CACNB2: variants seen among roughly 807,000 people sequenced by gnomAD.
CACNB2 encodes the protein voltage-dependent L-type calcium channel subunit beta-2.
Under a neutral mutation model 73.3 loss-of-function variants are expected in CACNB2, and 42 were observed. The ratio of observed to expected loss-of-function variants is 0.57; its 90% CI spans 0.45 to 0.74. CACNB2 has a LOEUF of 0.74. Ranked by LOEUF, CACNB2 falls within the 30% of genes least tolerant of loss-of-function variation. The probability of loss-of-function intolerance (pLI) is 0.00; values close to 1 mark genes in which losing one functional copy is unlikely to be tolerated. For missense variants in CACNB2, 940 were observed against 853.0 expected, an observed-to-expected ratio of 1.10 and a Z score of -1.27; for synonymous variants, 348 against 310.3, an observed-to-expected ratio of 1.12 and a Z score of -1.28.
rs905157777 is a variant in CACNB2, at chr10:18,385,368, C to T, written c.214-16556C>T. 6.2e-5 allele frequency among the ~76,000 whole-genome samples: 6 copies of T among 96,124 alleles called. No homozygotes were observed. The East Asian group carries it at 6.2e-3, about 99-fold the overall frequency. The allele number at this position is 96,124 out of a possible 152,430, so 63.1% of individuals were successfully genotyped here. On this transcript the variant is annotated intron_variant, in intron 2 of 13. Coordinates refer to ENST00000324631, the MANE Select transcript of CACNB2 (RefSeq NM_201596.3). ...TATGCCATAGAGATTTGTAATACCC[C>T]CCCCCCTCGCCCCCCACAGGTTTTA...
In CACNB2 at chr10:18,518,192, T is replaced by G. The variant is rs574601213; in HGVS notation, c.805-144T>G. 63 of 717,818 alleles carry G rather than the reference T, an allele frequency of 8.8e-5. 1 individual carries two copies. In the South Asian group the frequency reaches 8.9e-4, roughly 10 times the overall value. The allele number at this position is 717,818 out of a possible 1,614,324, so 44.5% of individuals were successfully genotyped here. A position where few individuals can be genotyped will look rare whatever the true frequency, so the allele number is the denominator to read the frequency against. ...ACCCACCAATCTTTGACTGGGTTTA[T>G]GTAGAAAAGAGGCAAGTGGGGAAAA... On this transcript the variant is annotated intron_variant, in intron 7 of 13. Transcript: ENST00000324631.
chr10:18,488,683 C>A (rs570005902), intron 3 of CACNB2, among the ~76,000 whole-genome samples: 2 of 151,952 alleles, frequency 1.3e-5, no homozygotes, highest in Non-Finnish European at 2.9e-5. Context: ...TTTCTTTATA[C>A]CAACCAATTT....
chr10:18,506,634 T>G, intron 6 of CACNB2, 87 bp downstream of exon 6: 5 of 819,534 alleles, frequency 6.1e-6, no homozygotes, highest in Non-Finnish European at 1.1e-5. Context: ...ACGTATACAC[T>G]GAATCACTAT....
In CACNB2 at chr10:18,475,911, G is replaced by A. The variant is rs113117863; in HGVS notation, c.334-22444G>A. ...GATCCCAATACAGACCCTGAGAGTG[G>A]GTTCTTGGACCTTGTGCAAGGAAGA... On this transcript the variant is annotated intron_variant, in intron 3 of 13. Transcript: ENST00000324631. Among the ~76,000 whole-genome samples the A allele has an allele frequency of 7.7e-3, 1,168 of 152,278 alleles. 6 individuals carry two copies. Among genetic ancestry groups the A allele is most frequent in the Non-Finnish European group, 0.012 (835 of 68,026 alleles).
rs1349410184 is a variant in CACNB2, at chr10:18,450,324, A to G, written c.334-48031A>G. 2.0e-5 allele frequency among the ~76,000 whole-genome samples: 3 copies of G among 152,298 alleles called. No homozygotes were observed. The East Asian group carries it at 5.8e-4, about 29-fold the overall frequency. On this transcript the variant is annotated intron_variant, in intron 3 of 13. Coordinates refer to ENST00000324631, the MANE Select transcript of CACNB2 (RefSeq NM_201596.3). Reference sequence around the variant, plus strand: ...AGTAGGGCTAAAAGCATCCTTTAGCAAAAGTAGTTTCCTCTTTTCCTTGCT... The same window carrying G: ...AGTAGGGCTAAAAGCATCCTTTAGCGAAAGTAGTTTCCTCTTTTCCTTGCT...
intron 9 of CACNB2, among the ~76,000 whole-genome samples, chr10:18,520,316 T>G (rs1454294501): frequency 6.6e-6 from 1 of 152,254 alleles, no homozygotes; most frequent in Non-Finnish European, 1.5e-5. Flanking sequence ...TTTCCTTGAC[T>G]GTTCTTTCTC....
At chr10:18,486,134 A>C (rs2049049515) in intron 3 of CACNB2, among the ~76,000 whole-genome samples, 2 of 152,182 alleles carry the variant, frequency 1.3e-5, no homozygotes, top group Non-Finnish European at 2.9e-5. Context: ...TAAAAATCTA[A>C]GTAACTATAT....
chr10:18,278,280 G>A (rs1302866810), intron 2 of CACNB2, among the ~76,000 whole-genome samples: 2 of 152,122 alleles, frequency 1.3e-5, no homozygotes, highest in Admixed American at 1.3e-4. Context: ...AGGAGTTTGA[G>A]ACCAGCCTGA....
intron 2 of CACNB2, among the ~76,000 whole-genome samples, chr10:18,282,642 G>A (rs898734305): frequency 6.6e-6 from 1 of 152,142 alleles, no homozygotes; most frequent in African/African-American, 2.4e-5. Flanking sequence ...TCAATTTGTT[G>A]GGAAACAGAG....
chr10:18,175,242 G>A (rs984767963), intron 2 of CACNB2, among the ~76,000 whole-genome samples: 4 of 152,140 alleles, frequency 2.6e-5, no homozygotes, highest in African/African-American at 9.7e-5. Context: ...TAGTCATTGC[G>A]TCTTTCGTTG....
At chr10:18,450,631 T>C (rs1019610226) in intron 3 of CACNB2, among the ~76,000 whole-genome samples, 7 of 149,788 alleles carry the variant, frequency 4.7e-5, no homozygotes, top group Non-Finnish European at 7.4e-5. Context: ...TTTTTCTTTT[T>C]TTTTTTTTTT....
chr10:18,415,964 A>G (rs1182273910), intron 3 of CACNB2, among the ~76,000 whole-genome samples: 6 of 151,992 alleles, frequency 3.9e-5, no homozygotes, highest in Non-Finnish European at 8.8e-5. Context: ...TTTATGGGGT[A>G]GCTAAGACAT....
chr10:18,527,783 T>C (rs2052626158), intron 10 of CACNB2, 86 bp downstream of exon 10: 1 of 877,344 alleles, frequency 1.1e-6, no homozygotes, highest in Non-Finnish European at 1.9e-6. Flanking sequence ...GATAATTCCA[T>C]GTGTCACAGA....
At position 18,454,512 on chromosome 10, in the gene CACNB2, T is replaced by A. The variant is rs1164579726; in HGVS notation, c.334-43843T>A. Among the ~76,000 whole-genome samples, 4 of 152,354 alleles carry A rather than the reference T, an allele frequency of 2.6e-5. No individual in the cohort carries two copies. The East Asian group carries it at 7.7e-4, about 29-fold the overall frequency. ...TACTCAAAATGAGTAAGATTGTTTT[T>A]TTACCCCCTAAGAACAAACGTTTGC... is the stretch of plus-strand genomic sequence containing the variant. On this transcript the variant is annotated intron_variant, in intron 3 of 13. Coordinates refer to ENST00000324631, the MANE Select transcript of CACNB2 (RefSeq NM_201596.3).
At chr10:18,215,984 C>T (rs1254422386) in intron 2 of CACNB2, among the ~76,000 whole-genome samples, 1 of 152,042 alleles carries the variant, frequency 6.6e-6, no homozygotes. Context: ...ATAATTCTCT[C>T]CTGTTATTTT....
intron 1 of CACNB2, among the ~76,000 whole-genome samples, chr10:18,147,759 A>G (rs1376636334): frequency 6.6e-6 from 1 of 152,112 alleles, no homozygotes; most frequent in African/African-American, 2.4e-5. Context: ...TGAACACTTA[A>G]TCTTCCCTGT....
intron 2 of CACNB2, among the ~76,000 whole-genome samples, chr10:18,318,998 G>A (rs148601027): frequency 0.014 from 2,201 of 152,262 alleles, 27 homozygotes; most frequent in South Asian, 0.027. Flanking sequence ...CACTGTTGGC[G>A]GGAATGTAAA....
At chr10:18,147,651 T>C (rs1265086231) in intron 1 of CACNB2, among the ~76,000 whole-genome samples, 1 of 152,204 alleles carries the variant, frequency 6.6e-6, no homozygotes, top group Admixed American at 6.5e-5. Context: ...TAAAAAATAT[T>C]TAGAAAAACT....
chr10:18,219,221 G>C (rs2035632005), intron 2 of CACNB2, among the ~76,000 whole-genome samples: 1 of 152,132 alleles, frequency 6.6e-6, no homozygotes, highest in South Asian at 2.1e-4. Context: ...TTCCATTCTT[G>C]TCACAAGTGA....
Sources: gnomAD v4.1 joint callset for allele counts (sites outside exome capture counted in the v4.1 genomes callset) on GRCh38, gnomAD v4.1.1 for gene constraint, MANE v1.5 for transcripts, NCBI Gene and HGNC (gene_info 2026-07-23, HGNC 2026-07-21) for gene names.